The following WNT3A variants were observed in gnomAD, a reference collection of about 807,000 sequenced individuals.
WNT3A encodes protein Wnt-3a.
A neutral mutation model predicts 37.0 loss-of-function variants in WNT3A; 17 were observed. That is an observed-to-expected ratio of 0.46 (90% confidence interval 0.31 to 0.69). The LOEUF (loss-of-function observed/expected upper bound fraction) is 0.69, where lower values mean the gene tolerates loss of function less well. Among genes scored for constraint, WNT3A ranks in the 30% least tolerant of loss-of-function variants. The probability of loss-of-function intolerance (pLI) is 0.05; values close to 1 mark genes in which losing one functional copy is unlikely to be tolerated. For missense variants in WNT3A, 411 were observed against 510.2 expected, an observed-to-expected ratio of 0.81 and a Z score of 1.87; for synonymous variants, 187 against 211.0, an observed-to-expected ratio of 0.89 and a Z score of 0.99.
Position 228,060,589 on chromosome 1 carries a change from G to A in WNT3A, c.*1124G>A. On this transcript the variant is annotated 3_prime_UTR_variant, in exon 4 of 4. Transcript: ENST00000284523. ...CCTGCCCGGGCTCCCACACCGTCAG[G>A]TACTCCTGCCAGGGAACTGGCCTGC... 1 of 247,518 alleles carries A rather than the reference G, an allele frequency of 4.0e-6. No homozygotes were observed. Among genetic ancestry groups the A allele is most frequent in the South Asian group, 4.3e-5 (1 of 23,076 alleles). 15.3% of individuals were successfully genotyped at this position (247,518 alleles called of 1,614,324 possible). A position where few individuals can be genotyped will look rare whatever the true frequency, so the allele number is the denominator to read the frequency against.
chr1:228,015,507 G>C (rs1347489724), intron 1 of WNT3A, among the ~76,000 whole-genome samples: 2 of 152,202 alleles, frequency 1.3e-5, no homozygotes, highest in South Asian at 4.1e-4. Context: ...CTCATCCGGT[G>C]AATCACAGGC....
At chr1:228,055,729 T>C (rs901144832) in intron 3 of WNT3A, among the ~76,000 whole-genome samples, 1 of 152,278 alleles carries the variant, frequency 6.6e-6, no homozygotes, top group South Asian at 2.1e-4. Context: ...TCTTGAGAAG[T>C]TGAGATAAAT....
chr1:228,049,773 G>T (rs1424098552), intron 2 of WNT3A, among the ~76,000 whole-genome samples: 1 of 152,084 alleles, frequency 6.6e-6, no homozygotes, highest in Non-Finnish European at 1.5e-5. Flanking sequence ...CTTTCCAGGT[G>T]CATGCTGGCC....
chr1:228,059,648 G>A lies in WNT3A; in HGVS notation c.*183G>A. On this transcript the variant is annotated 3_prime_UTR_variant, in exon 4 of 4. Transcript: ENST00000284523. ...CCTGAAGGCAGGGCTCCTCCCTGGA[G>A]CTAGTGTCTCCTCTCTGGTGGCTGG... is the stretch of plus-strand genomic sequence containing the variant. The A allele has an allele frequency of 7.3e-7, 1 of 1,378,270 alleles. No individual in the cohort carries two copies. Among genetic ancestry groups the A allele is most frequent in the African/African-American group, 1.5e-5 (1 of 65,736 alleles). 85.4% of individuals were successfully genotyped at this position (1,378,270 alleles called of 1,614,324 possible).
At chr1:228,058,275 C>T (rs1249669430) in intron 3 of WNT3A, among the ~76,000 whole-genome samples, 1 of 152,216 alleles carries the variant, frequency 6.6e-6, no homozygotes, top group African/African-American at 2.4e-5. Flanking sequence ...ATTCACACTG[C>T]CATGCCTCAT....
At position 228,059,055 on chromosome 1, in the gene WNT3A, T is replaced by G; in HGVS notation, c.649T>G (p.Cys217Gly). The change falls in exon 4 of 4, where the codon TGC becomes GGC. Residue 217 changes from cysteine to glycine, a missense_variant. Coordinates refer to ENST00000284523, the MANE Select transcript of WNT3A (RefSeq NM_033131.4). The stretch of plus-strand genomic sequence containing the variant: ...GTCGGGCAGCTGCGAGGTGAAGACA[T>G]GCTGGTGGTCGCAACCCGACTTCCG... ...GLSGSCEVKT[C>G]WWSQPDFRAI... 6.2e-7 allele frequency: 1 copy of G among 1,613,588 alleles called. No homozygotes were observed. The highest frequency in any genetic ancestry group is 8.5e-7 in the Non-Finnish European group (1 of 1,179,954).
chr1:228,023,908 A>G (rs1334943547), intron 2 of WNT3A, among the ~76,000 whole-genome samples: 1 of 152,242 alleles, frequency 6.6e-6, no homozygotes, highest in Non-Finnish European at 1.5e-5. Flanking sequence ...AAGAAACGGC[A>G]TCACTCAATA....
rs1314339686 is a variant in WNT3A, at chr1:228,055,175, AAAAAATATATATATATAT to A, written c.580-3809_580-3792del. ...CTCCGTCCCAAAAAAAAAAAAAAAA[AAAAAATATATATATATAT>A]ATATATATATATATATATATATATA... is the stretch of plus-strand genomic sequence containing the variant. On this transcript the variant is annotated intron_variant, in intron 3 of 3. Transcript: ENST00000284523. Among the ~76,000 whole-genome samples the A allele has an allele frequency of 5.2e-3, 310 of 59,194 alleles. 4 individuals are homozygous for A. The highest frequency in any genetic ancestry group is 6.7e-3 in the East Asian group (11 of 1,640). The allele number at this position is 59,194 out of a possible 152,430, so 38.8% of individuals were successfully genotyped here.
chr1:228,056,722 A>T (rs1057070275), intron 3 of WNT3A, among the ~76,000 whole-genome samples: 1 of 152,214 alleles, frequency 6.6e-6, no homozygotes, highest in African/African-American at 2.4e-5. Flanking sequence ...ATCTACTTCA[A>T]GACACACTGC....
chr1:228,024,884 T>C (rs538943309), intron 2 of WNT3A, among the ~76,000 whole-genome samples: 1 of 152,236 alleles, frequency 6.6e-6, no homozygotes, highest in Non-Finnish European at 1.5e-5. Flanking sequence ...GTACCTTCTA[T>C]GGAAAAAACT....
chr1:228,041,470 CATCT>C (rs1286722565), intron 2 of WNT3A, among the ~76,000 whole-genome samples: 2 of 151,738 alleles, frequency 1.3e-5, no homozygotes, highest in African/African-American at 2.4e-5. Context: ...TCAATCTATC[CATCT>C]GTCAATCTGC....
chr1:228,059,666 G>T lies in WNT3A; in HGVS notation c.*201G>T. 1 of 1,363,080 alleles carries T rather than the reference G, an allele frequency of 7.3e-7. No homozygotes were observed. The highest frequency in any genetic ancestry group is 3.7e-5 in the Admixed American group (1 of 27,362). The allele number at this position is 1,363,080 out of a possible 1,614,324, so 84.4% of individuals were successfully genotyped here. On this transcript the variant is annotated 3_prime_UTR_variant, in exon 4 of 4. Coordinates refer to ENST00000284523, the MANE Select transcript of WNT3A (RefSeq NM_033131.4). The stretch of plus-strand genomic sequence containing the variant: ...CCCTGGAGCTAGTGTCTCCTCTCTG[G>T]TGGCTGGGCTGCTCCTGAATGAGGC...
rs114819465 is a variant in WNT3A at position 228,023,097 on chromosome 1, G to A, written c.313+189G>A. Reference sequence around the variant, plus strand: ...CAGGACTGAGCCTGTGGGGTTATTCGGGTATCCCTCCTCCTCCTGCTCCCT... The same window carrying A: ...CAGGACTGAGCCTGTGGGGTTATTCAGGTATCCCTCCTCCTCCTGCTCCCT... On this transcript the variant is annotated intron_variant, in intron 2 of 3. Coordinates refer to ENST00000284523, the MANE Select transcript of WNT3A (RefSeq NM_033131.4). Among the ~76,000 whole-genome samples, 778 of 152,338 alleles carry A rather than the reference G, an allele frequency of 5.1e-3. 7 individuals carry two copies. The highest frequency in any genetic ancestry group is 0.018 in the African/African-American group (747 of 41,580).
At position 228,031,267 on chromosome 1, in the gene WNT3A, G is replaced by A. The variant is rs2031001965; in HGVS notation, c.313+8359G>A. On this transcript the variant is annotated intron_variant, in intron 2 of 3. Transcript: ENST00000284523. This position sits in a 1 kb window ranked among gnomAD's most constrained non-coding sequence, Gnocchi z 4.8. ...TGTAGGAGAAGAAACTGGAGCTTGG[G>A]GAGCTTGGATGGTGGCCTTCCTGTG... 6.6e-6 allele frequency among the ~76,000 whole-genome samples: 1 copy of A among 152,210 alleles called. No individual in the cohort carries two copies. The highest frequency in any genetic ancestry group is 1.5e-5 in the Non-Finnish European group (1 of 68,042).
intron 1 of WNT3A, among the ~76,000 whole-genome samples, chr1:228,014,198 A>T (rs377373998): frequency 6.6e-6 from 1 of 152,286 alleles, no homozygotes; most frequent in Non-Finnish European, 1.5e-5. Context: ...CATTCCATGC[A>T]CTGCTCCCCT....
chr1:228,048,537 G>A (rs868792992), intron 2 of WNT3A, among the ~76,000 whole-genome samples: 1 of 152,238 alleles, frequency 6.6e-6, no homozygotes, highest in Non-Finnish European at 1.5e-5. Flanking sequence ...CTGTGTCAGA[G>A]TGTGGGTCCA....
chr1:228,010,718 T>G (rs1289456434), intron 1 of WNT3A, among the ~76,000 whole-genome samples: 1 of 152,248 alleles, frequency 6.6e-6, no homozygotes, highest in Admixed American at 6.5e-5. Flanking sequence ...CAGTGTGGGC[T>G]GTGTCCAGCC....
chr1:228,010,172 C>A (rs894466916), intron 1 of WNT3A, among the ~76,000 whole-genome samples: 4 of 152,252 alleles, frequency 2.6e-5, no homozygotes, highest in Admixed American at 1.3e-4. Flanking sequence ...AGGGCAGCTG[C>A]GCTGCAAGGA....
At chr1:228,024,423 G>A (rs187131787) in intron 2 of WNT3A, among the ~76,000 whole-genome samples, 1 of 152,354 alleles carries the variant, frequency 6.6e-6, no homozygotes, top group Admixed American at 6.5e-5. Context: ...GACCGATGAT[G>A]CCAAGCACCA....
Sources: gnomAD v4.1 joint callset for allele counts (sites outside exome capture counted in the v4.1 genomes callset) on GRCh38, gnomAD v4.1.1 for gene constraint, Gnocchi (gnomAD v3.1) non-coding constraint, MANE v1.5 for transcripts, NCBI Gene and HGNC (gene_info 2026-07-23, HGNC 2026-07-21) for gene names.